PYGB: variants seen among roughly 807,000 people sequenced by gnomAD.
PYGB encodes the protein glycogen phosphorylase B.
Under a neutral mutation model 94.3 loss-of-function variants are expected in PYGB, and 82 were observed. The observed-to-expected ratio is 0.87, with a 90% CI of 0.73 to 1.04. The LOEUF (loss-of-function observed/expected upper bound fraction) is 1.04. PYGB is among the 50% of genes least tolerant of loss of function. PYGB has a pLI of 0.00. For synonymous variants in PYGB, 488 were observed against 479.1 expected, an observed-to-expected ratio of 1.02 and a Z score of -0.24; for missense variants, 1,132 against 1,158.2, an observed-to-expected ratio of 0.98 and a Z score of 0.33.
rs146700755 is a variant in PYGB at position 25,284,136 on chromosome 20, G to T, written c.1653G>T (p.Glu551Asp). The T allele has an allele frequency of 7.0e-4, 1,132 of 1,614,082 alleles. No homozygotes were observed. Among genetic ancestry groups the T allele is most frequent in the Non-Finnish European group, 9.0e-4 (1,064 of 1,179,986 alleles). The change falls in exon 14 of 20, where the codon GAG becomes GAT. Residue 551 changes from glutamate to aspartate, a missense_variant. Glu to Asp is a conservative substitution (Grantham distance 45). Transcript: ENST00000216962. ...AGCTCAAGTTCTCGGCCTTCCTGGA[G>T]AAGGAGTACAAGGTGAAGATCAACC... ...ENKLKFSAFLEKEYKVKINPS... is the reference protein window; with the variant it reads ...ENKLKFSAFLDKEYKVKINPS...
intron 1 of PYGB, among the ~76,000 whole-genome samples, chr20:25,258,833 G>A (rs1166574447): frequency 6.6e-6 from 1 of 152,274 alleles, no homozygotes; most frequent in African/African-American, 2.4e-5. Context: ...GACATGGCCT[G>A]TGTTACATCT....
intron 18 of PYGB, 144 bp downstream of exon 18, chr20:25,294,436 TG>T: frequency 9.0e-7 from 1 of 1,108,326 alleles, no homozygotes. Context: ...GAGACCTTAC[TG>T]GGCAGAGCCT....
intron 4 of PYGB, among the ~76,000 whole-genome samples, chr20:25,272,386 G>A (rs1290904414): frequency 6.6e-6 from 1 of 152,194 alleles, no homozygotes; most frequent in Non-Finnish European, 1.5e-5. Flanking sequence ...GCGTCTGTAA[G>A]ACTCATGTAT....
intron 10 of PYGB, among the ~76,000 whole-genome samples, 156 bp downstream of exon 10, chr20:25,280,568 T>C (rs1284916760): frequency 6.6e-6 from 1 of 152,214 alleles, no homozygotes; most frequent in Non-Finnish European, 1.5e-5. Context: ...TTGGCAGAGC[T>C]ATTGGCTGAT....
intron 2 of PYGB, among the ~76,000 whole-genome samples, chr20:25,264,932 A>C (rs2092921448): frequency 6.6e-6 from 1 of 152,250 alleles, no homozygotes; most frequent in South Asian, 2.1e-4. Flanking sequence ...ACTACTTTAA[A>C]GTTCATATGG....
intron 2 of PYGB, among the ~76,000 whole-genome samples, chr20:25,262,669 CTT>C (rs2092916230): frequency 7.4e-6 from 1 of 135,286 alleles, no homozygotes; most frequent in African/African-American, 3.7e-5. Flanking sequence ...TCCATTTTGA[CTT>C]GACTGGATAA....
chr20:25,275,389 G>A (rs1230339222), intron 5 of PYGB, among the ~76,000 whole-genome samples: 3 of 152,244 alleles, frequency 2.0e-5, no homozygotes, highest in African/African-American at 4.8e-5. Context: ...GGATGACTGG[G>A]GCAGGGCAGG....
Position 25,294,148 on chromosome 20 carries a change from C to T in PYGB, c.2178-10C>T, listed in dbSNP as rs201920039. ...CGCTGGCTGCTGACTCCTGGCCCAT[C>T]GCCTCACAGGTACAATGCCAGGGAG... is the stretch of plus-strand genomic sequence containing the variant. On this transcript the variant is annotated splice_polypyrimidine_tract_variant and intron_variant, in intron 17 of 19. Coordinates refer to ENST00000216962, the MANE Select transcript of PYGB (RefSeq NM_002862.4). 2.0e-4 allele frequency: 315 copies of T among 1,612,784 alleles called. 1 individual carries two copies. The highest frequency in any genetic ancestry group is 1.6e-4 in the Middle Eastern group (1 of 6,080).
intron 1 of PYGB, among the ~76,000 whole-genome samples, chr20:25,249,696 T>G (rs1406062995): frequency 2.0e-5 from 3 of 152,232 alleles, no homozygotes; most frequent in African/African-American, 7.2e-5. Context: ...CAACTGGGGC[T>G]CTTCATATTT....
chr20:25,284,142 G>A lies in PYGB; in HGVS notation c.1659G>A (p.Glu553=), dbSNP rs2088395579. The change falls in exon 14 of 20, where the codon GAG becomes GAA. Residue 553 remains glutamate, a synonymous_variant. Transcript: ENST00000216962. ...KLKFSAFLEK[E]YKVKINPSSM... is the part of the protein sequence containing the mutation. ...AGTTCTCGGCCTTCCTGGAGAAGGAGTACAAGGTGAAGATCAACCCCTCCT... is the reference window on the plus strand; with the variant it reads ...AGTTCTCGGCCTTCCTGGAGAAGGAATACAAGGTGAAGATCAACCCCTCCT... The A allele has an allele frequency of 1.2e-6, 2 of 1,614,112 alleles. No homozygotes were observed. The highest frequency in any genetic ancestry group is 1.7e-6 in the Non-Finnish European group (2 of 1,179,974).
chr20:25,254,330 C>G (rs1051750143), intron 1 of PYGB, among the ~76,000 whole-genome samples: 8 of 152,064 alleles, frequency 5.3e-5, no homozygotes, highest in Non-Finnish European at 1.2e-4. Flanking sequence ...CTTTAGAAGT[C>G]TTTTCAGATT....
At position 25,290,639 on chromosome 20, in the gene PYGB, G is replaced by T; in HGVS notation, c.1969+17G>T. 1.3e-6 allele frequency: 2 copies of T among 1,588,986 alleles called. No individual in the cohort carries two copies. Among genetic ancestry groups the T allele is most frequent in the Non-Finnish European group, 1.7e-6 (2 of 1,158,732 alleles). Reference sequence around the variant, plus strand: ...CTGAGAAAGGTAACCCTGGAAGCCTGTGTTGGACAGAAAACTCACTCCTGC... The same window carrying T: ...CTGAGAAAGGTAACCCTGGAAGCCTTTGTTGGACAGAAAACTCACTCCTGC... On this transcript the variant is annotated intron_variant, in intron 16 of 19. Transcript: ENST00000216962.
intron 2 of PYGB, among the ~76,000 whole-genome samples, chr20:25,264,195 A>G (rs903433129): frequency 6.6e-6 from 1 of 152,238 alleles, no homozygotes; most frequent in African/African-American, 2.4e-5. Context: ...ATCTCAATTG[A>G]TGCAGAAAAG....
intron 16 of PYGB, among the ~76,000 whole-genome samples, chr20:25,291,870 C>T (rs572994781): frequency 1.5e-4 from 23 of 152,152 alleles, no homozygotes; most frequent in Non-Finnish European, 2.1e-4. Context: ...GCACTCACAG[C>T]GTGTCTGGGA....
At chr20:25,257,162 T>TA (rs2092904332) in intron 1 of PYGB, among the ~76,000 whole-genome samples, 1 of 152,218 alleles carries the variant, frequency 6.6e-6, no homozygotes, top group East Asian at 1.9e-4. Context: ...CATATTAAGG[T>TA]AAAAGCAAAA....
At position 25,274,591 on chromosome 20, in the gene PYGB, G is replaced by C; in HGVS notation, c.529-1G>C. On this transcript the variant is annotated splice_acceptor_variant, in intron 4 of 19. Transcript: ENST00000216962. LOFTEE classifies it high-confidence loss of function. ...TGCCCTCACAGCTGGCTTCTTTCCA[G>C]GTAGAGGAGGCCGATGACTGGCTGC... The C allele has an allele frequency of 6.2e-7, 1 of 1,612,762 alleles. No homozygotes were observed. The highest frequency in any genetic ancestry group is 8.5e-7 in the Non-Finnish European group (1 of 1,179,476).
intron 1 of PYGB, among the ~76,000 whole-genome samples, chr20:25,256,298 G>A (rs965900174): frequency 1.3e-5 from 2 of 151,846 alleles, no homozygotes; most frequent in African/African-American, 2.4e-5. Context: ...TGTACTGTTC[G>A]TGTTGATCAT....
At position 25,248,410 on chromosome 20, in the gene PYGB, C is replaced by G. The variant is rs747744133; in HGVS notation, c.232C>G (p.Arg78Gly). ...CCGCACGCAGCAGCACTACTACGAG[C>G]GCGACCCCAAGGTGAGGCGCTGCCC... ...WIRTQQHYYERDPKRIYYLSL... is the reference protein window; with the variant it reads ...WIRTQQHYYEGDPKRIYYLSL... Residue 78 changes from arginine to glycine, a missense_variant, in exon 1 of 20, where the codon CGC becomes GGC. Physicochemically the swap from Arg to Gly is moderately radical, Grantham distance 125 (BLOSUM62 -2). Transcript: ENST00000216962. 6.5e-7 allele frequency: 1 copy of G among 1,543,324 alleles called. No homozygotes were observed. Among genetic ancestry groups the G allele is most frequent in the South Asian group, 1.2e-5 (1 of 84,840 alleles).
At chr20:25,291,622 G>A (rs1005948037) in intron 16 of PYGB, among the ~76,000 whole-genome samples, 1 of 152,096 alleles carries the variant, frequency 6.6e-6, no homozygotes, top group African/African-American at 2.4e-5. Context: ...ACTGTGGCTC[G>A]TCCTTCCCTG....
Sources: gnomAD v4.1 joint callset for allele counts (sites outside exome capture counted in the v4.1 genomes callset) on GRCh38, gnomAD v4.1.1 for gene constraint, MANE v1.5 for transcripts, NCBI Gene and HGNC (gene_info 2026-07-23, HGNC 2026-07-21) for gene names.